TLK1: variants seen among roughly 807,000 people sequenced by gnomAD.
TLK1 encodes the protein tousled like kinase 1.
A neutral mutation model predicts 105.3 loss-of-function variants in TLK1; 24 were observed. That is an observed-to-expected ratio of 0.23 (90% CI 0.17 to 0.32). The LOEUF (loss-of-function observed/expected upper bound fraction) is 0.32, where lower values mean the gene tolerates loss of function less well. Among genes scored for constraint, TLK1 ranks in the 10% least tolerant of loss-of-function variants. The probability of loss-of-function intolerance (pLI) is 1.00; values close to 1 mark genes in which losing one functional copy is unlikely to be tolerated. For missense variants in TLK1, 558 were observed against 910.5 expected (o/e 0.61, Z 4.98); for synonymous variants, 321 against 310.4 (o/e 1.03, Z -0.36).
At chr2:171,114,398 T>G (rs1690317721) in intron 2 of TLK1, among the ~76,000 whole-genome samples, 1 of 152,150 alleles carries the variant, frequency 6.6e-6, no homozygotes, top group Non-Finnish European at 1.5e-5. Context: ...TCTAATCACA[T>G]GAGTACATAA....
chr2:171,156,568 A>C (rs1017681459), intron 1 of TLK1, among the ~76,000 whole-genome samples: 4 of 152,204 alleles, frequency 2.6e-5, no homozygotes, highest in Non-Finnish European at 5.9e-5. Context: ...TCTCTCTTTT[A>C]TCTCTCTCCT....
chr2:171,072,196 A>G (rs1174729957), intron 3 of TLK1, among the ~76,000 whole-genome samples: 2 of 152,240 alleles, frequency 1.3e-5, no homozygotes, highest in Non-Finnish European at 2.9e-5. Flanking sequence ...TACAATGGAC[A>G]TTTTAAAAGT....
intron 1 of TLK1, among the ~76,000 whole-genome samples, chr2:171,219,599 C>T (rs1234389906): frequency 6.6e-6 from 1 of 151,498 alleles, no homozygotes; most frequent in Admixed American, 6.6e-5. Flanking sequence ...GGTCCCTCCC[C>T]CCACCTTTTT....
At chr2:171,110,277 T>C (rs1364828044) in intron 2 of TLK1, among the ~76,000 whole-genome samples, 1 of 152,194 alleles carries the variant, frequency 6.6e-6, no homozygotes, top group Admixed American at 6.5e-5. Context: ...CAGACCAGCC[T>C]GACCAACAGG....
At chr2:171,124,359 A>T (rs190651218) in intron 1 of TLK1, among the ~76,000 whole-genome samples, 2 of 152,378 alleles carry the variant, frequency 1.3e-5, no homozygotes, top group Admixed American at 6.5e-5. Flanking sequence ...CAATCTTCAC[A>T]AAAAGCTAAT....
chr2:170,997,424 A>G (rs1420256484), intron 19 of TLK1, among the ~76,000 whole-genome samples: 2 of 152,190 alleles, frequency 1.3e-5, no homozygotes, highest in African/African-American at 4.8e-5. Flanking sequence ...GTGGATAATG[A>G]AAAGTATTGA....
intron 11 of TLK1, among the ~76,000 whole-genome samples, chr2:171,041,989 G>T (rs1201708430): frequency 6.6e-6 from 1 of 152,172 alleles, no homozygotes; most frequent in Non-Finnish European, 1.5e-5. Flanking sequence ...TGCTTCTGTG[G>T]CCTTTTGCCC....
At chr2:171,181,016 G>A (rs1041001889) in intron 1 of TLK1, among the ~76,000 whole-genome samples, 2 of 152,064 alleles carry the variant, frequency 1.3e-5, no homozygotes, top group Non-Finnish European at 2.9e-5. Flanking sequence ...AAAAAGCTTT[G>A]AGCACAAGAA....
chr2:171,121,551 T>C (rs926573038), intron 1 of TLK1, among the ~76,000 whole-genome samples: 4 of 152,160 alleles, frequency 2.6e-5, no homozygotes, highest in African/African-American at 7.2e-5. Context: ...TACAAGTTCT[T>C]AATTCAATAA....
Position 171,006,876 on chromosome 2 carries a change from C to T in TLK1, c.1522G>A (p.Glu508Lys). 6.2e-7 allele frequency: 1 copy of T among 1,612,866 alleles called. No homozygotes were observed. Among genetic ancestry groups the T allele is most frequent in the Non-Finnish European group, 8.5e-7 (1 of 1,179,294 alleles). Reference protein sequence around the residue: ...KENYHKHACREYRIHKELDHP... With the variant: ...KENYHKHACRKYRIHKELDHP... ...TCCAGTTCTTTGTGTATTCTATACTCTCTGCAGGCATGTCTATGAGAAGAC... is the reference window on the plus strand; with the variant it reads ...TCCAGTTCTTTGTGTATTCTATACTTTCTGCAGGCATGTCTATGAGAAGAC... The change falls in exon 16 of 21, where the codon GAG becomes AAG. Residue 508 changes from glutamate (E) to lysine (K), a missense_variant. By Grantham distance (56) the Glu-to-Lys change is moderately conservative (BLOSUM62 1). Around this residue, in one of 5 missense-constraint regions of TLK1, gnomAD observed 218 missense variants for 492.9 expected, o/e 0.44. Coordinates refer to ENST00000431350, the MANE Select transcript of TLK1 (RefSeq NM_012290.5).
intron 1 of TLK1, among the ~76,000 whole-genome samples, chr2:171,213,914 A>G (rs1693666526): frequency 6.7e-6 from 1 of 150,342 alleles, no homozygotes. Flanking sequence ...TTTTTTAGAG[A>G]AGAGGTCTTG....
chr2:171,204,911 C>A (rs1286047224), intron 1 of TLK1, among the ~76,000 whole-genome samples: 4 of 151,546 alleles, frequency 2.6e-5, no homozygotes, highest in East Asian at 3.9e-4. Flanking sequence ...TCAGAGCGTG[C>A]CACTGCACCC....
At chr2:171,119,371 G>T (rs879483201) in intron 1 of TLK1, among the ~76,000 whole-genome samples, 3 of 152,194 alleles carry the variant, frequency 2.0e-5, no homozygotes, top group Non-Finnish European at 2.9e-5. Flanking sequence ...CCACCTTCTT[G>T]TTCTCTCTTA....
At chr2:171,195,229 C>G (rs1038150866) in intron 1 of TLK1, among the ~76,000 whole-genome samples, 1 of 152,074 alleles carries the variant, frequency 6.6e-6, no homozygotes, top group Non-Finnish European at 1.5e-5. Flanking sequence ...TCCGGCCGGG[C>G]GCGGTGGCTC....
chr2:171,123,423 G>C (rs1480677417), intron 1 of TLK1, among the ~76,000 whole-genome samples: 1 of 151,862 alleles, frequency 6.6e-6, no homozygotes, highest in Non-Finnish European at 1.5e-5. Context: ...AGCTGTTTTT[G>C]AACTCCTAAT....
intron 19 of TLK1, among the ~76,000 whole-genome samples, 166 bp from the exon 20 acceptor site, chr2:170,996,926 A>G (rs1005823284): frequency 3.3e-5 from 5 of 152,248 alleles, no homozygotes; most frequent in African/African-American, 1.2e-4. Flanking sequence ...CAAACAAGCT[A>G]TAATTGATAG....
chr2:171,005,593 G>A (rs777350046), intron 18 of TLK1, among the ~76,000 whole-genome samples: 6 of 152,178 alleles, frequency 3.9e-5, no homozygotes, highest in Middle Eastern at 3.4e-3. Context: ...TAGATTAGCT[G>A]GGCATAGTGG....
At position 171,000,658 on chromosome 2, in the gene TLK1, G is replaced by T. The variant is rs189438131; in HGVS notation, c.1905-2835C>A. On this transcript the variant is annotated intron_variant, in intron 18 of 20. Coordinates refer to ENST00000431350, the MANE Select transcript of TLK1 (RefSeq NM_012290.5). ...TTAGTTTTGCTGTCTCAGGGGTGAC[G>T]GGGGAAGAGATGAAAGGGGAGGCAG... 4.6e-5 allele frequency among the ~76,000 whole-genome samples: 7 copies of T among 152,194 alleles called. No homozygotes were observed. The East Asian group carries it at 1.4e-3, about 29-fold the overall frequency.
At chr2:171,153,487 T>C (rs1692121173) in intron 1 of TLK1, among the ~76,000 whole-genome samples, 2 of 152,242 alleles carry the variant, frequency 1.3e-5, no homozygotes, top group South Asian at 4.1e-4. Context: ...GACAAAACTT[T>C]TAGTTGAGTG....
Sources: allele counts gnomAD v4.1 joint callset (sites outside exome capture counted in the v4.1 genomes callset), GRCh38; gene constraint gnomAD v4.1.1; regional missense constraint gnomAD v4.1.1; transcripts MANE v1.5; gene names NCBI Gene and HGNC (gene_info 2026-07-23, HGNC 2026-07-21).